XIRP2: variants seen among roughly 807,000 people sequenced by gnomAD.
The protein encoded by XIRP2 is xin actin-binding repeat-containing protein 2.
In XIRP2, 236 loss-of-function variants were observed where a neutral mutation model predicts 277.0. The observed-to-expected ratio is 0.85, with a 90% CI of 0.77 to 0.95. The LOEUF is 0.95. Ranked by LOEUF, XIRP2 falls within the 40% of genes least tolerant of loss-of-function variation. The pLI is 0.00. For missense variants in XIRP2, 4,640 were observed against 4,157.5 expected (o/e 1.12, Z -3.19); for synonymous variants, 1,490 against 1,416.5 (o/e 1.05, Z -1.17).
At chr2:167,030,179 A>AT (rs1046666510) in intron 2 of XIRP2, among the ~76,000 whole-genome samples, 2 of 151,854 alleles carry the variant, frequency 1.3e-5, no homozygotes, top group Non-Finnish European at 2.9e-5. Flanking sequence ...GGATTCATTG[A>AT]TTTTTTTGAA....
intron 2 of XIRP2, among the ~76,000 whole-genome samples, chr2:166,917,037 C>T (rs1348131540): frequency 6.6e-6 from 1 of 152,074 alleles, no homozygotes; most frequent in Admixed American, 6.6e-5. Flanking sequence ...CTCTGTAACC[C>T]ACTATATGTC....
chr2:167,177,254 C>T (rs1426357351), intron 3 of XIRP2, among the ~76,000 whole-genome samples: 1 of 152,116 alleles, frequency 6.6e-6, no homozygotes, highest in Non-Finnish European at 1.5e-5. Flanking sequence ...TAGAGCTTAT[C>T]ATTTCTTTTT....
intron 2 of XIRP2, among the ~76,000 whole-genome samples, chr2:167,008,249 A>G (rs1687560249): frequency 6.6e-6 from 1 of 151,506 alleles, no homozygotes; most frequent in African/African-American, 2.4e-5. Flanking sequence ...TTTTTCTGCT[A>G]AGAGAGATCT....
intron 3 of XIRP2, among the ~76,000 whole-genome samples, chr2:167,164,510 A>T (rs1440430677): frequency 6.6e-6 from 1 of 151,368 alleles, no homozygotes; most frequent in Admixed American, 6.6e-5. Context: ...AAGAAATCTT[A>T]CCAGAGTTGT....
chr2:167,180,040 A>G (rs1692971230), intron 3 of XIRP2, among the ~76,000 whole-genome samples: 2 of 152,238 alleles, frequency 1.3e-5, no homozygotes, highest in Admixed American at 6.5e-5. Flanking sequence ...GTTCAAATCT[A>G]TGTCCATTAC....
chr2:167,169,638 A>T (rs1466805701), intron 3 of XIRP2, among the ~76,000 whole-genome samples: 1 of 152,210 alleles, frequency 6.6e-6, no homozygotes, highest in Non-Finnish European at 1.5e-5. Flanking sequence ...CTTATTACAT[A>T]CTGGACCAGA....
intron 2 of XIRP2, among the ~76,000 whole-genome samples, chr2:167,010,383 T>A (rs1205187884): frequency 6.6e-6 from 1 of 151,754 alleles, no homozygotes; most frequent in East Asian, 1.9e-4. Flanking sequence ...TAGTTGTAGA[T>A]ATGTGGCGTT....
At position 166,996,336 on chromosome 2, in the gene XIRP2, A is replaced by C. The variant is rs188982101; in HGVS notation, c.408+92446A>C. Among the ~76,000 whole-genome samples, 446 of 152,296 alleles carry C rather than the reference A, an allele frequency of 2.9e-3. 3 individuals carry two copies. Among genetic ancestry groups the C allele is most frequent in the African/African-American group, 9.9e-3 (411 of 41,576 alleles). ...ATTTGCCAACATAAGTAAAATTCTA[A>C]AATGTCTAGTTGGGCTGGGCACAGT... On this transcript the variant is annotated intron_variant, in intron 2 of 10. Coordinates refer to ENST00000409195, the MANE Select transcript of XIRP2 (RefSeq NM_152381.6).
chr2:167,092,457 T>C (rs1039779201), intron 2 of XIRP2, among the ~76,000 whole-genome samples: 54 of 152,198 alleles, frequency 3.5e-4, no homozygotes, highest in African/African-American at 1.1e-3. Context: ...ACAAAATAGT[T>C]TGTAAAAGCC....
intron 2 of XIRP2, among the ~76,000 whole-genome samples, chr2:166,940,371 C>G (rs1040082431): frequency 6.6e-6 from 1 of 152,114 alleles, no homozygotes; most frequent in South Asian, 2.1e-4. Context: ...AGGTTTTTAG[C>G]CTCTTTGCGA....
intron 5 of XIRP2, 78 bp from the exon 6 acceptor site, chr2:167,239,777 C>A: frequency 8.3e-7 from 1 of 1,198,188 alleles, no homozygotes; most frequent in Non-Finnish European, 1.2e-6. Flanking sequence ...CAGAAATTGT[C>A]ACTGAAATTG....
At chr2:167,065,965 C>T (rs1313085751) in intron 2 of XIRP2, among the ~76,000 whole-genome samples, 1 of 151,932 alleles carries the variant, frequency 6.6e-6, no homozygotes, top group African/African-American at 2.4e-5. Flanking sequence ...TACACACTTA[C>T]ACACTTAATG....
intron 2 of XIRP2, among the ~76,000 whole-genome samples, chr2:166,966,638 A>T (rs767076290): frequency 4.6e-5 from 7 of 151,858 alleles, no homozygotes; most frequent in Non-Finnish European, 1.0e-4. Flanking sequence ...CTCTACTTTT[A>T]GCCAATCTCT....
At chr2:166,973,917 G>A (rs1263882691) in intron 2 of XIRP2, among the ~76,000 whole-genome samples, 1 of 152,008 alleles carries the variant, frequency 6.6e-6, no homozygotes, top group Non-Finnish European at 1.5e-5. Context: ...TAGAGAAGTC[G>A]CACAATGTTA....
rs930116540 is a variant in XIRP2, at chr2:167,025,477, T to C, written c.409-110432T>C. Among the ~76,000 whole-genome samples, 937 of 152,210 alleles carry C rather than the reference T, an allele frequency of 6.2e-3. 11 individuals are homozygous for C. Among genetic ancestry groups the C allele is most frequent in the African/African-American group, 0.021 (881 of 41,562 alleles). Reference sequence around the variant, plus strand: ...CCTTCAGTTCTGCTCTGATTTTAGTTATTTCTTGCCTTCTGCTAGCTTTTG... The same window carrying C: ...CCTTCAGTTCTGCTCTGATTTTAGTCATTTCTTGCCTTCTGCTAGCTTTTG... On this transcript the variant is annotated intron_variant, in intron 2 of 10. Transcript: ENST00000409195.
Position 167,249,031 on chromosome 2 carries a change from G to A in XIRP2, c.7639G>A (p.Ala2547Thr), listed in dbSNP as rs766555998. 1 of 1,611,200 alleles carries A rather than the reference G, an allele frequency of 6.2e-7. No individual in the cohort carries two copies. Among genetic ancestry groups the A allele is most frequent in the Non-Finnish European group, 8.5e-7 (1 of 1,179,200 alleles). ...MRKFKTPLMI[A>T]EEKYRQQKEE... ...AAAATTTAAGACACCTTTAATGATT[G>A]CTGAAGAAAAATATAGACAACAAAA... Residue 2547 changes from alanine to threonine, a missense_variant, in exon 9 of 11, where the codon GCT (alanine) becomes ACT (threonine). Coordinates refer to ENST00000409195, the MANE Select transcript of XIRP2 (RefSeq NM_152381.6).
intron 5 of XIRP2, among the ~76,000 whole-genome samples, chr2:167,228,617 C>T (rs1310213466): frequency 6.6e-6 from 1 of 152,070 alleles, no homozygotes; most frequent in African/African-American, 2.4e-5. Context: ...GAAACATTAA[C>T]GTGTAGAGGG....
At chr2:167,148,306 C>T (rs921632069) in intron 3 of XIRP2, among the ~76,000 whole-genome samples, 1 of 150,494 alleles carries the variant, frequency 6.6e-6, no homozygotes, top group Non-Finnish European at 1.5e-5. Context: ...CGCTTGAACT[C>T]GGGAGGCAGA....
Position 167,250,529 on chromosome 2 carries a change from C to T in XIRP2, c.9137C>T (p.Pro3046Leu), listed in dbSNP as rs200534519. Residue 3046 changes from proline to leucine, a missense_variant, in exon 9 of 11, where the codon CCC becomes CTC. By Grantham distance (98) the Pro-to-Leu change is moderately conservative (BLOSUM62 -3). Coordinates refer to ENST00000409195, the MANE Select transcript of XIRP2 (RefSeq NM_152381.6). Reference sequence around the variant, plus strand: ...AAAACAGGAAAACCGGGAAATAAACCCACTAGTCTTGATGAAACATCATCC... The same window carrying T: ...AAAACAGGAAAACCGGGAAATAAACTCACTAGTCTTGATGAAACATCATCC... ...SSKTGKPGNK[P>L]TSLDETSSKV... The T allele has an allele frequency of 6.2e-7, 1 of 1,613,404 alleles. No homozygotes were observed. Among genetic ancestry groups the T allele is most frequent in the East Asian group, 2.2e-5 (1 of 44,818 alleles).
Sources: allele counts gnomAD v4.1 joint callset (sites outside exome capture counted in the v4.1 genomes callset), GRCh38; gene constraint gnomAD v4.1.1; transcripts MANE v1.5; gene names NCBI Gene and HGNC (gene_info 2026-07-23, HGNC 2026-07-21).